The following CENPC variants were observed in gnomAD, a reference collection of about 807,000 sequenced individuals.
CENPC encodes the protein CENP-C 1.
Under a neutral mutation model 112.1 loss-of-function variants are expected in CENPC, and 63 were observed. The observed-to-expected ratio is 0.56, with a 90% CI of 0.46 to 0.69. CENPC has a LOEUF of 0.69. CENPC is among the 30% of genes least tolerant of loss of function. The probability of loss-of-function intolerance (pLI) is 0.00; values close to 1 mark genes in which losing one functional copy is unlikely to be tolerated. For missense variants in CENPC, 1,000 were observed against 1,103.8 expected, an observed-to-expected ratio of 0.91 and a Z score of 1.33; for synonymous variants, 333 against 367.6, an observed-to-expected ratio of 0.91 and a Z score of 1.08.
Position 67,514,687 on chromosome 4 carries a change from A to G in CENPC, c.831T>C (p.Ser277=). The G allele has an allele frequency of 3.1e-6, 5 of 1,604,070 alleles. No homozygotes were observed. The highest frequency in any genetic ancestry group is 4.3e-6 in the Non-Finnish European group (5 of 1,175,200). ...CAGTTGCCGCATGCCTAACAATGGG[A>G]CTGAAACAGGGTGATACTTTTAACA... ...LETVKRKSES[S]PIVRHAATAP... Residue 277 remains serine, a splice_region_variant and synonymous_variant, in exon 8 of 19, where the codon AGT becomes AGC. Coordinates refer to ENST00000273853, the MANE Select transcript of CENPC (RefSeq NM_001812.4).
chr4:67,496,447 T>C (rs561898382), intron 12 of CENPC, among the ~76,000 whole-genome samples: 2 of 152,322 alleles, frequency 1.3e-5, no homozygotes, highest in South Asian at 4.1e-4. Flanking sequence ...TGGGACACAA[T>C]GTCCATGAAC....
chr4:67,530,673 A>G (rs1292744522), intron 5 of CENPC, 142 bp downstream of exon 5: 2 of 423,376 alleles, frequency 4.7e-6, no homozygotes, highest in Admixed American at 4.4e-5. Context: ...AAGGAAATCA[A>G]AAACAAATTC....
At chr4:67,494,724 T>A (rs1725383558) in intron 13 of CENPC, among the ~76,000 whole-genome samples, 1 of 152,224 alleles carries the variant, frequency 6.6e-6, no homozygotes, top group African/African-American at 2.4e-5. Context: ...GGATTGTTAA[T>A]CTTTACATGG....
At position 67,506,825 on chromosome 4, in the gene CENPC, C is replaced by T. The variant is rs183418720; in HGVS notation, c.2014G>A (p.Asp672Asn). 2.2e-4 allele frequency: 360 copies of T among 1,610,878 alleles called. No homozygotes were observed. The highest frequency in any genetic ancestry group is 2.9e-4 in the Non-Finnish European group (344 of 1,178,620). ...ACTGAAGTCTTATGCTCTCCAGAATCCAAGTTTGACTCTGTTGGTATATTA... is the reference window on the plus strand; with the variant it reads ...ACTGAAGTCTTATGCTCTCCAGAATTCAAGTTTGACTCTGTTGGTATATTA... ...TCNIPTESNL[D>N]SGEHKTSVLE... Residue 672 changes from aspartate to asparagine, a missense_variant, in exon 11 of 19, where the codon GAT (aspartate) becomes AAT (asparagine). By Grantham distance (23) the Asp-to-Asn change is conservative. Transcript: ENST00000273853.
chr4:67,540,848 A>G (rs1206193236), intron 3 of CENPC, 132 bp downstream of exon 3: 6 of 699,394 alleles, frequency 8.6e-6, no homozygotes, highest in Non-Finnish European at 1.5e-5. Flanking sequence ...TATGAACTCA[A>G]AATACCAGGG....
rs558617789 is a variant in CENPC at position 67,519,687 on chromosome 4, C to G, written c.332-185G>C. On this transcript the variant is annotated intron_variant, in intron 5 of 18. Transcript: ENST00000273853. ...TACTTAAGATTCTTCTATCTTTGGG[C>G]TAAAAATTGGTGACCTAGGGCAGCT... Among the ~76,000 whole-genome samples the G allele has an allele frequency of 6.5e-4, 99 of 151,716 alleles. 1 individual carries two copies. Among genetic ancestry groups the G allele is most frequent in the Non-Finnish European group, 1.3e-3 (86 of 67,960 alleles).
At chr4:67,528,401 G>T (rs1429392045) in intron 5 of CENPC, among the ~76,000 whole-genome samples, 1 of 152,110 alleles carries the variant, frequency 6.6e-6, no homozygotes, top group Admixed American at 6.6e-5. Context: ...ACAACACTGT[G>T]CAACCATCAT....
intron 4 of CENPC, among the ~76,000 whole-genome samples, chr4:67,535,084 G>C (rs1166314964): frequency 6.6e-6 from 1 of 151,950 alleles, no homozygotes; most frequent in African/African-American, 2.4e-5. Flanking sequence ...TAAAATAAAA[G>C]AAAGCAACAT....
rs1432559898 is a variant in CENPC at position 67,545,321 on chromosome 4, G to C, written c.18+17C>G. 19 of 1,469,022 alleles carry C rather than the reference G, an allele frequency of 1.3e-5. No individual in the cohort carries two copies. Among genetic ancestry groups the C allele is most frequent in the Non-Finnish European group, 1.6e-5 (18 of 1,102,102 alleles). The allele number at this position is 1,469,022 out of a possible 1,614,324, so 91.0% of individuals were successfully genotyped here. On this transcript the variant is annotated intron_variant, in intron 1 of 18. Coordinates refer to ENST00000273853, the MANE Select transcript of CENPC (RefSeq NM_001812.4). ...AGCCGCTCAACCACTCGCCTGGAGC[G>C]GGGGGCCTGCACTTACCAGACCGGA... is the stretch of plus-strand genomic sequence containing the variant.
intron 4 of CENPC, among the ~76,000 whole-genome samples, chr4:67,539,162 T>A (rs532661502): frequency 3.7e-4 from 57 of 152,342 alleles, no homozygotes; most frequent in Middle Eastern, 3.4e-3. Context: ...CTAAAGTTGC[T>A]TTAACTTTCA....
At chr4:67,500,581 T>G (rs1001941498) in intron 12 of CENPC, among the ~76,000 whole-genome samples, 1 of 152,114 alleles carries the variant, frequency 6.6e-6, no homozygotes, top group Non-Finnish European at 1.5e-5. Flanking sequence ...ATTCACAGAA[T>G]CATGACAAAA....
chr4:67,488,617 C>A (rs1725155111), intron 17 of CENPC, among the ~76,000 whole-genome samples: 1 of 151,860 alleles, frequency 6.6e-6, no homozygotes, highest in African/African-American at 2.4e-5. Flanking sequence ...ATCTGTTACT[C>A]AAATTTCCTT....
intron 4 of CENPC, among the ~76,000 whole-genome samples, chr4:67,537,337 A>G (rs1434526478): frequency 2.0e-5 from 3 of 152,208 alleles, no homozygotes; most frequent in African/African-American, 7.2e-5. Context: ...CAATTTGTGT[A>G]TTTTAATGTA....
At chr4:67,509,510 A>G (rs1359920147) in intron 9 of CENPC, among the ~76,000 whole-genome samples, 1 of 152,058 alleles carries the variant, frequency 6.6e-6, no homozygotes, top group Non-Finnish European at 1.5e-5. Flanking sequence ...TGACACCTAT[A>G]ATATCCATCT....
At chr4:67,482,935 G>A (rs1191191269) in intron 17 of CENPC, among the ~76,000 whole-genome samples, 2 of 152,190 alleles carry the variant, frequency 1.3e-5, no homozygotes, top group Non-Finnish European at 2.9e-5. Context: ...CATGTCATGG[G>A]AGGGACCTAG....
chr4:67,518,872 T>C (rs1364570278), intron 6 of CENPC, among the ~76,000 whole-genome samples: 1 of 152,214 alleles, frequency 6.6e-6, no homozygotes, highest in Non-Finnish European at 1.5e-5. Flanking sequence ...ATAATACTTA[T>C]GCTCTGCTAC....
At chr4:67,524,011 G>A (rs1326766564) in intron 5 of CENPC, among the ~76,000 whole-genome samples, 3 of 150,920 alleles carry the variant, frequency 2.0e-5, no homozygotes, top group Non-Finnish European at 3.0e-5. Flanking sequence ...TATCCATCAA[G>A]AAAAGAACAA....
intron 7 of CENPC, among the ~76,000 whole-genome samples, chr4:67,517,086 ATAAT>A (rs1219743846): frequency 5.3e-5 from 8 of 152,044 alleles, no homozygotes; most frequent in Admixed American, 4.6e-4. Context: ...ACACATAAAA[ATAAT>A]TAATCAACTA....
At chr4:67,500,247 C>T (rs1226393452) in intron 12 of CENPC, among the ~76,000 whole-genome samples, 1 of 151,846 alleles carries the variant, frequency 6.6e-6, no homozygotes, top group Non-Finnish European at 1.5e-5. Context: ...TGCAGTATCT[C>T]CAAAATGCAG....
Sources: allele counts gnomAD v4.1 joint callset (sites outside exome capture counted in the v4.1 genomes callset), GRCh38; gene constraint gnomAD v4.1.1; transcripts MANE v1.5; gene names NCBI Gene and HGNC (gene_info 2026-07-23, HGNC 2026-07-21).